Variants in ZNF185 observed in about 807,000 individuals in gnomAD.
ZNF185 encodes the protein zinc finger protein 185 with LIM domain.
Under a neutral mutation model 58.6 loss-of-function variants are expected in ZNF185, and 56 were observed. That is an observed-to-expected ratio of 0.95 (90% CI 0.77 to 1.19). The LOEUF is 1.19. ZNF185 is among the 50% of genes most tolerant of loss of function. ZNF185 has a pLI of 0.00. For synonymous variants in ZNF185, 230 were observed against 215.9 expected (o/e 1.07, Z -0.57); for missense variants, 627 against 573.5 (o/e 1.09, Z -0.95).
chrX:152,910,676 C>G (rs1241849031), upstream of ZNF185, among the ~76,000 whole-genome samples: 1 of 112,427 alleles, frequency 8.9e-6, no homozygotes, highest in Non-Finnish European at 1.9e-5. Flanking sequence ...TACATCTTTG[C>G]TGTACTCGTG....
intron 15 of ZNF185, among the ~76,000 whole-genome samples, chrX:152,938,872 G>C (rs2046732155): frequency 9.9e-6 from 1 of 101,402 alleles, no homozygotes; most frequent in African/African-American, 3.9e-5. Context: ...GTACTACTTA[G>C]GTGGGTGGAA....
intron 9 of ZNF185, 73 bp downstream of exon 10, chrX:152,920,821 G>C: frequency 8.9e-7 from 1 of 1,123,359 alleles, no homozygotes; most frequent in Non-Finnish European, 1.2e-6. Flanking sequence ...CAGGGGTGTA[G>C]TGTGGGAGCT....
At chrX:152,946,639 T>C (rs1309566641) in intron 16 of ZNF185, among the ~76,000 whole-genome samples, 3 of 110,130 alleles carry the variant, frequency 2.7e-5, no homozygotes, top group Non-Finnish European at 5.7e-5. Flanking sequence ...TGCGGGGGAG[T>C]GTCAGGAAAG....
chrX:152,947,198 C>G (rs782172086), intron 16 of ZNF185, among the ~76,000 whole-genome samples: 6 of 111,132 alleles, frequency 5.4e-5, no homozygotes, highest in African/African-American at 2.0e-4. Flanking sequence ...CTGGGGAACA[C>G]AGCAAGACCC....
intron 18 of ZNF185, 135 bp from the exon 21 acceptor site, chrX:152,965,311 TG>T: frequency 6.1e-6 from 3 of 491,423 alleles, no homozygotes; most frequent in Non-Finnish European, 1.0e-5. Flanking sequence ...GCCTTTATCC[TG>T]GGCCTTCCCA....
Position 152,936,517 on chromosome X carries a change from A to C in ZNF185, c.1122-1557A>C. The C allele has an allele frequency of 8.6e-7, 1 of 1,162,419 alleles. No individual in the cohort carries two copies. The highest frequency in any genetic ancestry group is 1.1e-6 in the Non-Finnish European group (1 of 869,592). On this transcript the variant is annotated intron_variant, in intron 14 of 22. Coordinates refer to ENST00000449285, the Ensembl canonical transcript of ZNF185. ...AGCCTAGACCAGCAGCCATCAGGTA[A>C]GGTTAGGGCCACTGCCCTAGTGCCC...
At chrX:152,952,823 C>T (rs782487086) in intron 16 of ZNF185, among the ~76,000 whole-genome samples, 65 of 96,432 alleles carry the variant, frequency 6.7e-4, no homozygotes, top group African/African-American at 2.4e-3. Flanking sequence ...AATTACCCTT[C>T]GTGATTACTT....
At chrX:152,928,458 A>T in intron 11 of ZNF185, 117 bp from the exon 13 acceptor site, 1 of 707,968 alleles carries the variant, frequency 1.4e-6, no homozygotes, top group Non-Finnish European at 2.1e-6. Context: ...GCCAAGGAGG[A>T]GATGAGAGCA....
chrX:152,946,703 A>G (rs2047820919), intron 16 of ZNF185, among the ~76,000 whole-genome samples: 1 of 111,402 alleles, frequency 9.0e-6, no homozygotes, highest in Non-Finnish European at 1.9e-5. Flanking sequence ...GCTGAGGGAG[A>G]TTTTGCCAGA....
chrX:152,898,994 C>T, the ZNF185 span, among the ~76,000 whole-genome samples: 82 of 112,213 alleles, frequency 7.3e-4, 1 homozygote, highest in African/African-American at 2.4e-3. Flanking sequence ...GGGGGTGACA[C>T]GTCAAGCTGC....
At position 152,922,167 on chromosome X, in the gene ZNF185, T is replaced by C. The variant is rs1434936923; in HGVS notation, c.657-6T>C. 15 of 1,190,098 alleles carry C rather than the reference T, an allele frequency of 1.3e-5. No individual in the cohort carries two copies. Among genetic ancestry groups the C allele is most frequent in the Non-Finnish European group, 1.7e-5 (15 of 884,972 alleles). On this transcript the variant is annotated splice_polypyrimidine_tract_variant and splice_region_variant and intron_variant, in intron 9 of 22. Coordinates refer to ENST00000449285, the Ensembl canonical transcript of ZNF185. ...CCACGAGCGCTGTTTCTCTTCTTGC[T>C]CAAAGGGTGGAGGTGGTGGAAGAGG...
At chrX:152,938,572 T>C (rs2046647488) in intron 15 of ZNF185, among the ~76,000 whole-genome samples, 1 of 111,159 alleles carries the variant, frequency 9.0e-6, no homozygotes, top group Non-Finnish European at 1.9e-5. Flanking sequence ...GGACTGTATG[T>C]AGCTGGATGT....
At chrX:152,937,724 T>C (rs782316774) in intron 14 of ZNF185, among the ~76,000 whole-genome samples, 1 of 112,476 alleles carries the variant, frequency 8.9e-6, no homozygotes, top group Non-Finnish European at 1.9e-5. Context: ...ACCAGACTCA[T>C]TGAGTCATGC....
intron 16 of ZNF185, among the ~76,000 whole-genome samples, chrX:152,959,118 G>A (rs1453462740): frequency 8.9e-6 from 1 of 112,771 alleles, no homozygotes; most frequent in Non-Finnish European, 1.9e-5. Flanking sequence ...TAATGGCCCC[G>A]CCTAAGAAAT....
At chrX:152,936,434 A>G in intron 14 of ZNF185, 1 of 1,166,464 alleles carries the variant, frequency 8.6e-7, no homozygotes, top group East Asian at 3.3e-5. Context: ...TGCAGCTGCT[A>G]GCTTTGCCTC....
rs1186375825 is a variant in ZNF185 at position 152,959,612 on chromosome X, C to A, written c.1410-87C>A. ...GGGGAGATGAGTCCCTCCAAGTCCA[C>A]GAGACATGACAGCCAGCCTACCTGC... On this transcript the variant is annotated intron_variant, in intron 16 of 22. Transcript: ENST00000449285. 3.9e-6 allele frequency: 4 copies of A among 1,028,227 alleles called. No individual in the cohort carries two copies. The African/African-American group carries it at 5.7e-5, about 15-fold the overall frequency. 84.7% of individuals were successfully genotyped at this position (1,028,227 alleles called of 1,213,427 possible). A position where few individuals can be genotyped will look rare whatever the true frequency, so the allele number is the denominator to read the frequency against.
intron 15 of ZNF185, chrX:152,941,662 C>T: frequency 8.6e-7 from 1 of 1,160,814 alleles, no homozygotes; most frequent in Non-Finnish European, 1.2e-6. Flanking sequence ...AAGCCCCGAA[C>T]TCGGTCGCAG....
At chrX:152,920,112 C>T (rs1013574347) in intron 7 of ZNF185, among the ~76,000 whole-genome samples, 18 of 113,229 alleles carry the variant, frequency 1.6e-4, no homozygotes, top group African/African-American at 4.8e-4. Flanking sequence ...GGCGCAGAGC[C>T]GGGCACATGC....
chrX:152,932,979 G>T lies in ZNF185; in HGVS notation c.1121+8G>T. 5 of 1,167,782 alleles carry T rather than the reference G, an allele frequency of 4.3e-6. No homozygotes were observed. Among genetic ancestry groups the T allele is most frequent in the Non-Finnish European group, 5.8e-6 (5 of 868,334 alleles). On this transcript the variant is annotated splice_region_variant and intron_variant, in intron 14 of 22. Transcript: ENST00000449285. ...CGGCTCCGAGAGAGGAAGGTGAGCT[G>T]CCCGGGGGAGGCAGGTTCTCTCATG... is the stretch of plus-strand genomic sequence containing the variant.
Sources: gnomAD v4.1 joint callset for allele counts (sites outside exome capture counted in the v4.1 genomes callset) on GRCh38, gnomAD v4.1.1 for gene constraint, MANE v1.5 for transcripts, NCBI Gene and HGNC (gene_info 2026-07-23, HGNC 2026-07-21) for gene names.